The following PDZRN4 variants were observed in gnomAD, a reference collection of about 807,000 sequenced individuals.
The protein encoded by PDZRN4 is PDZ domain-containing RING finger protein 4.
In PDZRN4, 70 loss-of-function variants were observed where a neutral mutation model predicts 99.0. The ratio of observed to expected loss-of-function variants is 0.71; its 90% CI spans 0.58 to 0.86. PDZRN4 has a LOEUF of 0.86. PDZRN4 is among the 40% of genes least tolerant of loss of function. The probability of loss-of-function intolerance (pLI) is 0.00; values close to 1 mark genes in which losing one functional copy is unlikely to be tolerated. For synonymous variants in PDZRN4, 551 were observed against 501.6 expected (o/e 1.10, Z -1.32); for missense variants, 1,474 against 1,331.2 (o/e 1.11, Z -1.67).
Position 41,448,798 on chromosome 12 carries a change from C to T in PDZRN4, c.844-57658C>T, listed in dbSNP as rs527950301. On this transcript the variant is annotated intron_variant, in intron 3 of 9. Coordinates refer to ENST00000402685, the MANE Select transcript of PDZRN4 (RefSeq NM_001164595.2). Reference sequence around the variant, plus strand: ...TCAAATTTAAGAACAGCTGGGGGAGCGGGATTGACAAACATATTTTAATAT... The same window carrying T: ...TCAAATTTAAGAACAGCTGGGGGAGTGGGATTGACAAACATATTTTAATAT... Among the ~76,000 whole-genome samples, 38 of 152,144 alleles carry T rather than the reference C, an allele frequency of 2.5e-4. No individual in the cohort carries two copies. The South Asian group carries it at 3.5e-3, about 14-fold the overall frequency.
chr12:41,236,762 C>T (rs1951070001), intron 3 of PDZRN4, among the ~76,000 whole-genome samples: 2 of 151,986 alleles, frequency 1.3e-5, no homozygotes, highest in Non-Finnish European at 2.9e-5. Flanking sequence ...TTTTTCTTCC[C>T]ACTTTATTAG....
At chr12:41,335,076 C>A (rs780355407) in intron 3 of PDZRN4, among the ~76,000 whole-genome samples, 3 of 151,852 alleles carry the variant, frequency 2.0e-5, no homozygotes, top group Non-Finnish European at 4.4e-5. Context: ...AAAATATAAA[C>A]ATATTAAATA....
chr12:41,449,504 G>A (rs942978543), intron 3 of PDZRN4, among the ~76,000 whole-genome samples: 13 of 152,094 alleles, frequency 8.5e-5, no homozygotes, highest in Admixed American at 7.9e-4. Flanking sequence ...ATAATAAGAT[G>A]GGATCCCTGC....
At chr12:41,526,621 A>G (rs1344862235) in intron 5 of PDZRN4, among the ~76,000 whole-genome samples, 1 of 152,220 alleles carries the variant, frequency 6.6e-6, no homozygotes. Context: ...TTTATAAAAT[A>G]CTTGTTTTTC....
At chr12:41,540,862 TCG>T (rs1938838572) in intron 5 of PDZRN4, among the ~76,000 whole-genome samples, 1 of 114,832 alleles carries the variant, frequency 8.7e-6, no homozygotes, top group East Asian at 2.1e-4. Flanking sequence ...CCCCTTTTCT[TCG>T]TTGTTGTTGT....
intron 3 of PDZRN4, among the ~76,000 whole-genome samples, chr12:41,233,959 A>T (rs7300489): frequency 0.014 from 2,069 of 152,120 alleles, 47 homozygotes; most frequent in African/African-American, 0.047. Flanking sequence ...GTTAAAAAAA[A>T]AACAAAGAAA....
chr12:41,433,433 G>A (rs1397898421), intron 3 of PDZRN4, among the ~76,000 whole-genome samples: 1 of 152,124 alleles, frequency 6.6e-6, no homozygotes, highest in Non-Finnish European at 1.5e-5. Flanking sequence ...TACATAGAAG[G>A]TATTTAACTG....
chr12:41,551,720 T>C (rs1253064049), intron 5 of PDZRN4, among the ~76,000 whole-genome samples: 1 of 152,172 alleles, frequency 6.6e-6, no homozygotes, highest in Non-Finnish European at 1.5e-5. Context: ...TTCTTCTTCA[T>C]CCAATTATTT....
At chr12:41,502,013 G>A (rs1406765151) in intron 3 of PDZRN4, among the ~76,000 whole-genome samples, 1 of 151,994 alleles carries the variant, frequency 6.6e-6, no homozygotes, top group African/African-American at 2.4e-5. Flanking sequence ...TTTGTCTCGG[G>A]ACAACCACAT....
chr12:41,285,461 T>C (rs1035515194), intron 3 of PDZRN4, among the ~76,000 whole-genome samples: 4 of 152,148 alleles, frequency 2.6e-5, no homozygotes, highest in Non-Finnish European at 4.4e-5. Context: ...TCCTCAAGGA[T>C]CTAGAGCCAG....
At chr12:41,195,604 CAA>C (rs1003993346) in intron 3 of PDZRN4, among the ~76,000 whole-genome samples, 4 of 146,412 alleles carry the variant, frequency 2.7e-5, no homozygotes, top group Non-Finnish European at 6.0e-5. Flanking sequence ...TATCTTTTGC[CAA>C]AAAAAAAACT....
At chr12:41,368,737 G>T (rs1952019610) in intron 3 of PDZRN4, among the ~76,000 whole-genome samples, 1 of 151,980 alleles carries the variant, frequency 6.6e-6, no homozygotes, top group African/African-American at 2.4e-5. Flanking sequence ...TTCTTTAAAG[G>T]AATGTTTAGA....
At chr12:41,480,706 C>G (rs1937659126) in intron 3 of PDZRN4, among the ~76,000 whole-genome samples, 1 of 152,054 alleles carries the variant, frequency 6.6e-6, no homozygotes, top group African/African-American at 2.4e-5. Flanking sequence ...CTTACCTTCT[C>G]TTCTCCTGGA....
intron 3 of PDZRN4, among the ~76,000 whole-genome samples, chr12:41,383,343 G>T (rs1042396538): frequency 1.3e-4 from 20 of 152,152 alleles, no homozygotes; most frequent in African/African-American, 4.6e-4. Flanking sequence ...CAGAAAATCC[G>T]AAAAGAAATA....
At chr12:41,552,089 T>C (rs963992799) in intron 5 of PDZRN4, among the ~76,000 whole-genome samples, 2 of 152,308 alleles carry the variant, frequency 1.3e-5, no homozygotes, top group South Asian at 4.1e-4. Flanking sequence ...ACCATTTCTT[T>C]CCAAGAATGA....
At chr12:41,548,684 A>T (rs546428504) in intron 5 of PDZRN4, among the ~76,000 whole-genome samples, 1 of 152,160 alleles carries the variant, frequency 6.6e-6, no homozygotes, top group East Asian at 1.9e-4. Context: ...TAAAAAGCCA[A>T]TGCTTTTTAA....
At chr12:41,283,536 C>A (rs1409632906) in intron 3 of PDZRN4, among the ~76,000 whole-genome samples, 2 of 152,036 alleles carry the variant, frequency 1.3e-5, no homozygotes, top group Admixed American at 1.3e-4. Context: ...CCTGATATCC[C>A]AACCTGGCAG....
chr12:41,254,971 C>G (rs145474328), intron 3 of PDZRN4, among the ~76,000 whole-genome samples: 1 of 152,014 alleles, frequency 6.6e-6, no homozygotes, highest in Non-Finnish European at 1.5e-5. Context: ...GTGCAGCTAC[C>G]TGGGAGGCTG....
intron 3 of PDZRN4, among the ~76,000 whole-genome samples, chr12:41,356,837 C>T (rs1409004914): frequency 6.6e-6 from 1 of 151,900 alleles, no homozygotes; most frequent in African/African-American, 2.4e-5. Flanking sequence ...AAGTGGCATT[C>T]TGTTCAGAAA....
Sources: allele counts gnomAD v4.1 joint callset (sites outside exome capture counted in the v4.1 genomes callset), GRCh38; gene constraint gnomAD v4.1.1; transcripts MANE v1.5; gene names NCBI Gene and HGNC (gene_info 2026-07-23, HGNC 2026-07-21).